IL13RA2: variants seen among roughly 807,000 people sequenced by gnomAD.
The protein encoded by IL13RA2 is interleukin-13 receptor subunit alpha-2.
In IL13RA2, 25 loss-of-function variants were observed where a neutral mutation model predicts 34.1. That is an observed-to-expected ratio of 0.73 (90% CI 0.53 to 1.03). The LOEUF (loss-of-function observed/expected upper bound fraction) is 1.03, where lower values mean the gene tolerates loss of function less well. Ranked by LOEUF, IL13RA2 falls within the 50% of genes least tolerant of loss-of-function variation. The probability of loss-of-function intolerance (pLI) is 0.00; values close to 1 mark genes in which losing one functional copy is unlikely to be tolerated. For missense variants in IL13RA2, 297 were observed against 280.9 expected, an observed-to-expected ratio of 1.06 and a Z score of -0.41; for synonymous variants, 106 against 100.4, an observed-to-expected ratio of 1.06 and a Z score of -0.33.
Position 115,013,906 on chromosome X carries a change from C to T in IL13RA2, c.401-17G>A, listed in dbSNP as rs17095917. The stretch of plus-strand genomic sequence containing the variant: ...CTGGAATTCCTAAGGAACAAATCAA[C>T]TGTGAATGTTTGAAAGGCTTGGTGA... On this transcript the variant is annotated splice_polypyrimidine_tract_variant and intron_variant, in intron 4 of 9. Coordinates refer to ENST00000243213, the MANE Select transcript of IL13RA2 (RefSeq NM_000640.3). 20,139 of 1,030,813 alleles carry T rather than the reference C, an allele frequency of 0.02. 2,245 individuals carry two copies. In the African/African-American group the frequency reaches 0.33, roughly 17 times the overall value. 85.0% of individuals were successfully genotyped at this position (1,030,813 alleles called of 1,213,427 possible). A position where few individuals can be genotyped will look rare whatever the true frequency, so the allele number is the denominator to read the frequency against.
At position 115,015,758 on chromosome X, in the gene IL13RA2, C is replaced by T. The variant is rs1457353551; in HGVS notation, c.158G>A (p.Trp53Ter). ...ATGATCCAGAGACAGTGGGGGTTGC[C>T]ATTGCAAATAGAGATAACCTAAGTA... ...PGYLGYLYLQWQPPLSLDHFK... is the reference protein window; with the variant it reads ...PGYLGYLYLQ The change falls in exon 3 of 10, where the codon TGG (tryptophan) becomes TAG (stop). Residue 53 changes from tryptophan (W) to a stop codon, truncating the protein, a stop_gained. Coordinates refer to ENST00000243213, the MANE Select transcript of IL13RA2 (RefSeq NM_000640.3). LOFTEE classifies it high-confidence loss of function. 8.4e-7 allele frequency: 1 copy of T among 1,188,067 alleles called. No individual in the cohort carries two copies. The highest frequency in any genetic ancestry group is 2.2e-5 in the Admixed American group (1 of 45,951).
chrX:115,009,703 T>G, intron 6 of IL13RA2, 37 bp from the exon 7 acceptor site: 1 of 1,172,826 alleles, frequency 8.5e-7, no homozygotes, highest in East Asian at 3.0e-5. Flanking sequence ...ACACGGAGAT[T>G]GTTGAAGTTT....
In IL13RA2 at chrX:115,008,660, A is replaced by G. The variant is rs17095894; in HGVS notation, c.853-584T>C. Reference sequence around the variant, plus strand: ...CATGGCTTGGTATGAAACTATTGCTACAGTTATGAGACTATCTCAAGGCTG... The same window carrying G: ...CATGGCTTGGTATGAAACTATTGCTGCAGTTATGAGACTATCTCAAGGCTG... On this transcript the variant is annotated intron_variant, in intron 7 of 9. Transcript: ENST00000243213. Among the ~76,000 whole-genome samples, 383 of 112,040 alleles carry G rather than the reference A, an allele frequency of 3.4e-3. 2 individuals carry two copies. The highest frequency in any genetic ancestry group is 0.018 in the Middle Eastern group (4 of 218).
At chrX:115,004,192 G>T in intron 9 of IL13RA2, 86 bp from the exon 10 acceptor site, 1 of 521,958 alleles carries the variant, frequency 1.9e-6, no homozygotes, top group South Asian at 3.0e-5. Context: ...ATAAGCACAA[G>T]AGCATTCAGC....
chrX:115,004,160 C>T, intron 9 of IL13RA2, 54 bp from the exon 10 acceptor site: 5 of 648,695 alleles, frequency 7.7e-6, no homozygotes, highest in South Asian at 7.4e-5. Flanking sequence ...AACTATTTCA[C>T]TGAAGATTAA....
rs142667478 is a variant in IL13RA2, at chrX:115,005,303, G to T, written c.1010C>A (p.Ser337Ter). Residue 337 changes from serine (S) to a stop codon, truncating the protein, a stop_gained, in exon 9 of 10, where the codon TCG (serine) becomes TAG (stop). Coordinates refer to ENST00000243213, the MANE Select transcript of IL13RA2 (RefSeq NM_000640.3). LOFTEE classifies it high-confidence loss of function. ...CCAGAAACGTAGCAAAGTTTTCTTC[G>T]ATAGGTCTTCACCTAGGATTAAAAA... ...DKQCWEGEDLSKKTLLRFWLP... is the reference protein window; with the variant it reads ...DKQCWEGEDL The T allele has an allele frequency of 2.1e-6, 2 of 970,167 alleles. No individual in the cohort carries two copies. The highest frequency in any genetic ancestry group is 3.0e-6 in the Non-Finnish European group (2 of 675,112). The allele number at this position is 970,167 out of a possible 1,213,427, so 80.0% of individuals were successfully genotyped here.
At chrX:115,007,900 C>A in intron 8 of IL13RA2, 32 bp downstream of exon 8, 2 of 903,473 alleles carry the variant, frequency 2.2e-6, no homozygotes, top group East Asian at 3.2e-5. Context: ...GCAAAGAGCT[C>A]ATTATTTAGT....
intron 3 of IL13RA2, among the ~76,000 whole-genome samples, chrX:115,015,309 A>G (rs1487222283): frequency 8.9e-6 from 1 of 111,930 alleles, no homozygotes; most frequent in African/African-American, 3.2e-5. Flanking sequence ...CTTGTCTCCT[A>G]CAGTAGAAAA....
rs782643437 is a variant in IL13RA2 at position 115,008,089 on chromosome X, G to A, written c.853-13C>T. ...CAACTGTAGCAGTCTGAAAGCCAAG[G>A]ACAAAATCAGATGCCATTATTTGAT... On this transcript the variant is annotated splice_polypyrimidine_tract_variant and intron_variant, in intron 7 of 9. Coordinates refer to ENST00000243213, the MANE Select transcript of IL13RA2 (RefSeq NM_000640.3). 7 of 1,094,440 alleles carry A rather than the reference G, an allele frequency of 6.4e-6. No individual in the cohort carries two copies. The South Asian group carries it at 1.3e-4, about 21-fold the overall frequency. The allele number at this position is 1,094,440 out of a possible 1,213,427, so 90.2% of individuals were successfully genotyped here.
chrX:115,014,417 T>G lies in IL13RA2; in HGVS notation c.400+4A>C. Reference sequence around the variant, plus strand: ...TAAATATGAAAAGAGAGCTTTGTTTTAACCTTGTGGTGATATCCAATAAGT... The same window carrying G: ...TAAATATGAAAAGAGAGCTTTGTTTGAACCTTGTGGTGATATCCAATAAGT... On this transcript the variant is annotated splice_donor_region_variant and intron_variant, in intron 4 of 9. Coordinates refer to ENST00000243213, the MANE Select transcript of IL13RA2 (RefSeq NM_000640.3). 7.7e-6 allele frequency: 9 copies of G among 1,168,140 alleles called. No individual in the cohort carries two copies. The highest frequency in any genetic ancestry group is 9.3e-6 in the Non-Finnish European group (8 of 861,860).
chrX:115,016,783 G>A (rs1484394794), intron 2 of IL13RA2, among the ~76,000 whole-genome samples: 3 of 107,708 alleles, frequency 2.8e-5, no homozygotes, highest in Admixed American at 1.0e-4. Context: ...TTAAATTTCT[G>A]TACCTTTTTA....
intron 8 of IL13RA2, among the ~76,000 whole-genome samples, chrX:115,007,006 T>A (rs1263971162): frequency 8.9e-6 from 1 of 112,120 alleles, no homozygotes; most frequent in Non-Finnish European, 1.9e-5. Flanking sequence ...TATAATCTAT[T>A]AGGCTTCTCG....
rs1556506997 is a variant in IL13RA2 at position 115,004,063 on chromosome X, C to G, written c.*17G>C. 1 of 1,005,335 alleles carries G rather than the reference C, an allele frequency of 9.9e-7. No individual in the cohort carries two copies. Among genetic ancestry groups the G allele is most frequent in the Admixed American group, 2.3e-5 (1 of 43,694 alleles). The allele number at this position is 1,005,335 out of a possible 1,213,427, so 82.9% of individuals were successfully genotyped here. On this transcript the variant is annotated 3_prime_UTR_variant, in exon 10 of 10. Coordinates refer to ENST00000243213, the MANE Select transcript of IL13RA2 (RefSeq NM_000640.3). ...AAACTGTTGAGTCAATACCATGTCT[C>G]TTGATATGGAAAGTCTTCATGTATC...
intron 4 of IL13RA2, among the ~76,000 whole-genome samples, 160 bp from the exon 5 acceptor site, chrX:115,014,049 G>T (rs1357149865): frequency 9.0e-6 from 1 of 111,546 alleles, no homozygotes; most frequent in African/African-American, 3.3e-5. Flanking sequence ...ATCACTTCAC[G>T]ATAAGAGGGA....
intron 5 of IL13RA2, among the ~76,000 whole-genome samples, chrX:115,012,818 G>A (rs2071711486): frequency 9.0e-6 from 1 of 110,798 alleles, no homozygotes; most frequent in Non-Finnish European, 1.9e-5. Flanking sequence ...AAACAAAACA[G>A]AAGCTGACAT....
Position 115,010,773 on chromosome X carries a change from G to T in IL13RA2, c.577C>A (p.Gln193Lys), listed in dbSNP as rs1339099991. ...TAGGGAAATCTGCATCCTATATTTT[G>T]TCCATCAGCCTTGATGTAATCAACA... is the stretch of plus-strand genomic sequence containing the variant. The part of the protein sequence containing the change: ...QCVDYIKADG[Q>K]NIGCRFPYLE... Residue 193 changes from glutamine (Q) to lysine (K), a missense_variant, in exon 6 of 10, where the codon CAA (glutamine) becomes AAA (lysine). Transcript: ENST00000243213. 4 of 1,131,889 alleles carry T rather than the reference G, an allele frequency of 3.5e-6. No homozygotes were observed. Among genetic ancestry groups the T allele is most frequent in the Admixed American group, 4.6e-5 (2 of 43,363 alleles). The allele number at this position is 1,131,889 out of a possible 1,213,427, so 93.3% of individuals were successfully genotyped here.
intron 8 of IL13RA2, among the ~76,000 whole-genome samples, 164 bp downstream of exon 8, chrX:115,007,768 T>C (rs1556507964): frequency 8.9e-6 from 1 of 112,260 alleles, no homozygotes; most frequent in Non-Finnish European, 1.9e-5. Flanking sequence ...AATATTAGAC[T>C]TTTAATAAAT....
intron 7 of IL13RA2, 26 bp from the exon 8 acceptor site, chrX:115,008,102 G>A: frequency 2.8e-6 from 3 of 1,057,711 alleles, no homozygotes; most frequent in Admixed American, 2.3e-5. Flanking sequence ...AAAATCAGAT[G>A]CCATTATTTG....
chrX:115,009,464 C>T, intron 7 of IL13RA2, 57 bp downstream of exon 7: 1 of 999,775 alleles, frequency 1.0e-6, no homozygotes, highest in East Asian at 3.1e-5. Context: ...CTCACATTTG[C>T]TATTTTATTT....
Sources: allele counts gnomAD v4.1 joint callset (sites outside exome capture counted in the v4.1 genomes callset), GRCh38; gene constraint gnomAD v4.1.1; transcripts MANE v1.5; gene names NCBI Gene and HGNC (gene_info 2026-07-23, HGNC 2026-07-21).